The following ADCY2 variants were observed in gnomAD, a reference collection of about 807,000 sequenced individuals.
The protein encoded by ADCY2 is adenylate cyclase 2, also known as adenylate cyclase type 2.
Under a neutral mutation model 125.2 loss-of-function variants are expected in ADCY2, and 31 were observed. The ratio of observed to expected loss-of-function variants is 0.25; its 90% confidence interval spans 0.19 to 0.33. ADCY2 has a LOEUF of 0.33. ADCY2 is among the 10% of genes least tolerant of loss of function. ADCY2 has a pLI of 1.00. For missense variants in ADCY2, 904 were observed against 1,418.2 expected, an observed-to-expected ratio of 0.64 and a Z score of 5.82; for synonymous variants, 512 against 548.4, an observed-to-expected ratio of 0.93 and a Z score of 0.93.
intron 10 of ADCY2, among the ~76,000 whole-genome samples, chr5:7,710,705 G>C (rs1277493056): frequency 6.6e-6 from 1 of 152,176 alleles, no homozygotes; most frequent in Non-Finnish European, 1.5e-5. Flanking sequence ...ATTGCATTCT[G>C]TGTGCAATTG....
At chr5:7,498,587 G>A (rs1265535802) in intron 2 of ADCY2, among the ~76,000 whole-genome samples, 1 of 152,036 alleles carries the variant, frequency 6.6e-6, no homozygotes, top group African/African-American at 2.4e-5. Flanking sequence ...AATGTAAATT[G>A]GTTCAACTAC....
At chr5:7,536,832 G>T (rs1286675736) in intron 3 of ADCY2, among the ~76,000 whole-genome samples, 2 of 152,064 alleles carry the variant, frequency 1.3e-5, no homozygotes. Flanking sequence ...CAGGGGGTGG[G>T]GGGCTAGGGG....
At chr5:7,742,881 T>G (rs1560933454) in intron 14 of ADCY2, among the ~76,000 whole-genome samples, 2 of 152,214 alleles carry the variant, frequency 1.3e-5, no homozygotes, top group Non-Finnish European at 2.9e-5. Context: ...CAACCTCTCC[T>G]TGGATGTTCC....
chr5:7,809,350 A>G (rs918448235), intron 22 of ADCY2, among the ~76,000 whole-genome samples: 3 of 152,244 alleles, frequency 2.0e-5, no homozygotes, highest in African/African-American at 7.2e-5. Flanking sequence ...TGTATTCTGA[A>G]AGGAAAGTTC....
chr5:7,716,569 A>G (rs569730373), intron 11 of ADCY2, among the ~76,000 whole-genome samples: 1 of 152,374 alleles, frequency 6.6e-6, no homozygotes, highest in South Asian at 2.1e-4. Context: ...CAAAAACTTT[A>G]GTTATTCACT....
At chr5:7,607,260 T>G (rs888236430) in intron 3 of ADCY2, among the ~76,000 whole-genome samples, 2 of 152,200 alleles carry the variant, frequency 1.3e-5, no homozygotes, top group African/African-American at 4.8e-5. Context: ...AAGCTCATGC[T>G]CATTAGCATC....
intron 14 of ADCY2, among the ~76,000 whole-genome samples, chr5:7,733,985 C>A (rs983774687): frequency 5.0e-5 from 7 of 139,616 alleles, no homozygotes; most frequent in Non-Finnish European, 1.0e-4. Flanking sequence ...ACTTTTGATT[C>A]TTTCTTTCTT....
chr5:7,507,414 C>T, intron 2 of ADCY2, among the ~76,000 whole-genome samples: 1 of 116,772 alleles, frequency 8.6e-6, no homozygotes. Flanking sequence ...GCACTCCAGC[C>T]TGGGCGACAG....
At chr5:7,509,285 G>A (rs148874868) in intron 2 of ADCY2, among the ~76,000 whole-genome samples, 1 of 152,280 alleles carries the variant, frequency 6.6e-6, no homozygotes, top group East Asian at 1.9e-4. Context: ...TATGGTATAT[G>A]GATATTCACA....
At chr5:7,606,968 G>A (rs1440457034) in intron 3 of ADCY2, among the ~76,000 whole-genome samples, 1 of 151,988 alleles carries the variant, frequency 6.6e-6, no homozygotes, top group Non-Finnish European at 1.5e-5. Flanking sequence ...CTGTTGCTGC[G>A]GGTCTTCTGA....
chr5:7,723,141 G>A (rs988998997), intron 12 of ADCY2, among the ~76,000 whole-genome samples: 3 of 151,976 alleles, frequency 2.0e-5, no homozygotes, highest in Non-Finnish European at 2.9e-5. Context: ...GCTGGGGCCT[G>A]TTGGAGGGTG....
intron 5 of ADCY2, among the ~76,000 whole-genome samples, chr5:7,693,804 C>T (rs1192151656): frequency 4.6e-5 from 7 of 152,178 alleles, no homozygotes; most frequent in African/African-American, 1.4e-4. Context: ...TATCTCAGAG[C>T]TGCTTTGTTC....
intron 3 of ADCY2, among the ~76,000 whole-genome samples, chr5:7,574,331 G>A (rs1425113135): frequency 2.0e-5 from 3 of 151,676 alleles, no homozygotes; most frequent in Non-Finnish European, 4.4e-5. Context: ...TTGAGGAATC[G>A]CCACACTGAC....
intron 4 of ADCY2, among the ~76,000 whole-genome samples, chr5:7,645,094 A>G (rs1039173078): frequency 2.0e-5 from 3 of 152,196 alleles, no homozygotes; most frequent in Non-Finnish European, 4.4e-5. Flanking sequence ...AAGTTACTTC[A>G]TCATTCAAGT....
chr5:7,707,642 A>G, intron 8 of ADCY2, 64 bp from the exon 9 acceptor site: 1 of 1,574,766 alleles, frequency 6.4e-7, no homozygotes, highest in East Asian at 2.2e-5. Flanking sequence ...TCATGAGCAA[A>G]TAGAAACCTT....
At position 7,802,490 on chromosome 5, in the gene ADCY2, T is replaced by G; in HGVS notation, c.2775+126T>G. On this transcript the variant is annotated intron_variant, in intron 21 of 24. Coordinates refer to ENST00000338316, the MANE Select transcript of ADCY2 (RefSeq NM_020546.3). This position sits in a 1 kb window ranked among gnomAD's most constrained non-coding sequence, Gnocchi z 4.6. ...GTCCTTTGGCATAATTTCTGGCAGA[T>G]GGCATTAAAGCCTTTTGCTTTATTT... The G allele has an allele frequency of 9.4e-7, 1 of 1,059,174 alleles. No homozygotes were observed. Among genetic ancestry groups the G allele is most frequent in the Non-Finnish European group, 1.3e-6 (1 of 747,968 alleles). 65.6% of individuals were successfully genotyped at this position (1,059,174 alleles called of 1,614,324 possible). A position where few individuals can be genotyped will look rare whatever the true frequency, so the allele number is the denominator to read the frequency against.
Position 7,802,264 on chromosome 5 carries a change from C to G in ADCY2, c.2675C>G (p.Ser892Cys). Residue 892 changes from serine (S) to cysteine (C), a missense_variant, in exon 21 of 25, where the codon TCC becomes TGC. By Grantham distance (112) the Ser-to-Cys change is moderately radical. Around this residue, in one of 7 missense-constraint regions of ADCY2, gnomAD observed 181 missense variants for 381.6 expected, o/e 0.47. Transcript: ENST00000338316. The surrounding 1 kb of genome is among the most constrained non-coding windows in gnomAD (Gnocchi z 4.6). ...GACTGCGTCTGCGTCATGTTTGCCTCCATTCCGGATTTCAAAGAATTTTAT... is the reference window on the plus strand; with the variant it reads ...GACTGCGTCTGCGTCATGTTTGCCTGCATTCCGGATTTCAAAGAATTTTAT... ...SYDCVCVMFA[S>C]IPDFKEFYTE... 2 of 1,614,120 alleles carry G rather than the reference C, an allele frequency of 1.2e-6. No individual in the cohort carries two copies. Among genetic ancestry groups the G allele is most frequent in the Non-Finnish European group, 1.7e-6 (2 of 1,179,960 alleles).
intron 3 of ADCY2, among the ~76,000 whole-genome samples, chr5:7,534,934 C>T (rs1458838217): frequency 1.3e-5 from 2 of 152,210 alleles, no homozygotes; most frequent in East Asian, 1.9e-4. Flanking sequence ...TATCATATTT[C>T]ACTCTGCTTA....
At chr5:7,435,914 C>G (rs2126386893) in intron 2 of ADCY2, among the ~76,000 whole-genome samples, 1 of 152,312 alleles carries the variant, frequency 6.6e-6, no homozygotes, top group Admixed American at 6.5e-5. Context: ...AATGAAGGCA[C>G]TGTAAAATTT....
Sources: allele counts gnomAD v4.1 joint callset (sites outside exome capture counted in the v4.1 genomes callset), GRCh38; gene constraint gnomAD v4.1.1; regional missense constraint gnomAD v4.1.1; non-coding constraint Gnocchi (gnomAD v3.1); transcripts MANE v1.5; gene names NCBI Gene and HGNC (gene_info 2026-07-23, HGNC 2026-07-21).